Variants in HROB observed in about 807,000 individuals in gnomAD.
HROB encodes the protein homologous recombination OB-fold protein.
In HROB, 44 loss-of-function variants were observed where a neutral mutation model predicts 61.0. The observed-to-expected ratio is 0.72, with a 90% confidence interval of 0.57 to 0.93. The LOEUF is 0.93. HROB is among the 40% of genes least tolerant of loss of function. HROB has a pLI of 0.00. For missense variants in HROB, 716 were observed against 796.2 expected (o/e 0.90, Z 1.21); for synonymous variants, 301 against 310.4 (o/e 0.97, Z 0.32).
intron 2 of HROB, among the ~76,000 whole-genome samples, chr17:44,147,594 T>C (rs1247962463): frequency 6.6e-6 from 1 of 151,846 alleles, no homozygotes; most frequent in Non-Finnish European, 1.5e-5. Context: ...TGCACCCCCA[T>C]GCCCAGCTAA....
At chr17:44,150,218 G>T (rs766423826) in intron 3 of HROB, among the ~76,000 whole-genome samples, 1 of 152,076 alleles carries the variant, frequency 6.6e-6, no homozygotes, top group Non-Finnish European at 1.5e-5. Context: ...CCCATTTTAA[G>T]GGTGTTTGAA....
intron 1 of HROB, among the ~76,000 whole-genome samples, chr17:44,144,605 G>A (rs552538373): frequency 5.9e-5 from 9 of 151,494 alleles, no homozygotes; most frequent in African/African-American, 1.2e-4. Flanking sequence ...TCTAAGAGGC[G>A]GGTCTCACTA....
chr17:44,149,323 A>G (rs557575008), intron 3 of HROB, among the ~76,000 whole-genome samples: 12 of 151,228 alleles, frequency 7.9e-5, no homozygotes, highest in Middle Eastern at 3.4e-3. Context: ...ATCTCAGCTC[A>G]CTGAAACCTC....
intron 3 of HROB, 67 bp downstream of exon 3, chr17:44,149,094 C>A: frequency 7.0e-7 from 1 of 1,425,344 alleles, no homozygotes. Flanking sequence ...CACTGTCCAG[C>A]CCTAGCATAT....
rs114647370 is a variant in HROB at position 44,155,892 on chromosome 17, T to A, written c.1770+481T>A. 4.3e-3 allele frequency among the ~76,000 whole-genome samples: 654 copies of A among 152,284 alleles called. 6 individuals carry two copies. Among genetic ancestry groups the A allele is most frequent in the African/African-American group, 0.015 (632 of 41,554 alleles). The stretch of plus-strand genomic sequence containing the variant: ...AGAGCACTGGTGGGGACATCCTCTT[T>A]AGGAACCGAGACGAGCATTTGGCAT... On this transcript the variant is annotated intron_variant, in intron 8 of 9. Coordinates refer to ENST00000585683, the MANE Select transcript of HROB (RefSeq NM_001171251.3).
At chr17:44,142,466 CTTTT>C (rs1156855939) in intron 1 of HROB, among the ~76,000 whole-genome samples, 4 of 137,850 alleles carry the variant, frequency 2.9e-5, no homozygotes, top group South Asian at 2.3e-4. Flanking sequence ...ACACTTTCTA[CTTTT>C]TTTTTTTTTT....
In HROB at chr17:44,141,933, G is replaced by T; in HGVS notation, c.-210G>T. 1 of 579,640 alleles carries T rather than the reference G, an allele frequency of 1.7e-6. No individual in the cohort carries two copies. The highest frequency in any genetic ancestry group is 2.3e-5 in the South Asian group (1 of 44,238). The allele number at this position is 579,640 out of a possible 1,614,324, so 35.9% of individuals were successfully genotyped here. On this transcript the variant is annotated 5_prime_UTR_variant, in exon 1 of 10. Coordinates refer to ENST00000585683, the MANE Select transcript of HROB (RefSeq NM_001171251.3). ...TTTAAGAAGGCGGAGACGCCCCAGT[G>T]GCGGCGTCTTCGAATGCGGCCTAAG...
Position 44,152,664 on chromosome 17 carries a change from G to C in HROB, c.1336G>C (p.Glu446Gln). ...EIVASSQASV[E>Q]EDFGRGPWLT... is the part of the protein sequence containing the mutation. ...TGTTGCTAGTTCCCAGGCATCTGTG[G>C]AGGAGGATTTTGGGCGAGGGCCCTG... Residue 446 changes from glutamate (E) to glutamine (Q), a missense_variant, in exon 5 of 10, where the codon GAG becomes CAG. Transcript: ENST00000585683. 1.2e-6 allele frequency: 2 copies of C among 1,614,192 alleles called. No homozygotes were observed. The highest frequency in any genetic ancestry group is 1.3e-5 in the African/African-American group (1 of 75,048).
Position 44,157,161 on chromosome 17 carries a change from A to G in HROB, c.1771-672A>G, listed in dbSNP as rs918649361. Among the ~76,000 whole-genome samples the G allele has an allele frequency of 2.6e-5, 4 of 152,162 alleles. No homozygotes were observed. In the East Asian group the frequency reaches 5.8e-4, roughly 22 times the overall value. Reference sequence around the variant, plus strand: ...ATATATTCCTTTGGGGATTGTTAACAACTAATTTTAAATCTCAGGCTAACT... The same window carrying G: ...ATATATTCCTTTGGGGATTGTTAACGACTAATTTTAAATCTCAGGCTAACT... On this transcript the variant is annotated intron_variant, in intron 8 of 9. Coordinates refer to ENST00000585683, the MANE Select transcript of HROB (RefSeq NM_001171251.3).
In HROB at chr17:44,146,024, C is replaced by CT. The variant is rs528948956; in HGVS notation, c.54+772dup. On this transcript the variant is annotated intron_variant, in intron 2 of 9. Transcript: ENST00000585683. ...ATTCTTCCTGATGCTCTCCACCTCC[C>CT]TGCCCCCGGCAGCCCCCACTGTGTG... 9.9e-5 allele frequency among the ~76,000 whole-genome samples: 15 copies of CT among 152,274 alleles called. No individual in the cohort carries two copies. The South Asian group carries it at 3.1e-3, about 32-fold the overall frequency.
chr17:44,157,438 G>A (rs1259105102), intron 8 of HROB, among the ~76,000 whole-genome samples: 2 of 128,902 alleles, frequency 1.6e-5, no homozygotes, highest in Non-Finnish European at 3.1e-5. Context: ...TTTGGAGCAA[G>A]GGTCTCACTC....
chr17:44,150,837 A>T (rs2053780233), intron 3 of HROB, 124 bp from the exon 4 acceptor site: 2 of 761,016 alleles, frequency 2.6e-6, no homozygotes, highest in South Asian at 3.4e-5. Context: ...GTTAGGAGAG[A>T]TGTAATATGT....
intron 2 of HROB, among the ~76,000 whole-genome samples, chr17:44,146,225 T>G (rs1001614062): frequency 2.0e-5 from 3 of 152,158 alleles, no homozygotes; most frequent in African/African-American, 7.2e-5. Flanking sequence ...AATTTTTCGT[T>G]TTTTTGTAGA....
At chr17:44,143,851 T>A (rs1051840411) in intron 1 of HROB, among the ~76,000 whole-genome samples, 1 of 152,066 alleles carries the variant, frequency 6.6e-6, no homozygotes, top group Non-Finnish European at 1.5e-5. Context: ...TTTACGCCCA[T>A]GTGCACAGTC....
chr17:44,145,828 A>C lies in HROB; in HGVS notation c.54+575A>C, dbSNP rs148744375. Among the ~76,000 whole-genome samples the C allele has an allele frequency of 7.0e-4, 107 of 152,308 alleles. 1 individual carries two copies. The highest frequency in any genetic ancestry group is 6.5e-3 in the Admixed American group (100 of 15,304). On this transcript the variant is annotated intron_variant, in intron 2 of 9. Coordinates refer to ENST00000585683, the MANE Select transcript of HROB (RefSeq NM_001171251.3). ...TCTACCACACACCAATTAAATCAGA[A>C]TTTCTGGGAATGGCCCAGCCAGGGA...
intron 3 of HROB, among the ~76,000 whole-genome samples, chr17:44,150,257 C>G (rs1292521986): frequency 2.0e-5 from 3 of 152,142 alleles, no homozygotes; most frequent in Non-Finnish European, 4.4e-5. Context: ...TTGCTCTTCC[C>G]TAGCATGTTA....
rs2053703853 is a variant in HROB, at chr17:44,148,825, A to C, written c.1022A>C (p.Gln341Pro). ...SSGLFPRIPL[Q>P]PQAPVSSIGS... is the part of the protein sequence containing the mutation. ...GGATTATTTCCTCGGATACCCTTACAACCGCAAGCTCCAGTGTCTTCCATT... is the reference window on the plus strand; with the variant it reads ...GGATTATTTCCTCGGATACCCTTACCACCGCAAGCTCCAGTGTCTTCCATT... Residue 341 changes from glutamine (Q) to proline (P), a missense_variant, in exon 3 of 10, where the codon CAA becomes CCA. By Grantham distance (76) the Gln-to-Pro change is moderately conservative (BLOSUM62 -1). Transcript: ENST00000585683. The C allele has an allele frequency of 3.7e-6, 6 of 1,614,030 alleles. No individual in the cohort carries two copies. The highest frequency in any genetic ancestry group is 4.2e-6 in the Non-Finnish European group (5 of 1,180,040).
chr17:44,142,203 C>T (rs2143779108), intron 1 of HROB, 58 bp downstream of exon 1: 1 of 1,470,112 alleles, frequency 6.8e-7, no homozygotes, highest in Non-Finnish European at 9.0e-7. Flanking sequence ...GCCTCCGGAA[C>T]TGCTCATGGG....
rs1161651647 is a variant in HROB at position 44,148,374 on chromosome 17, C to T, written c.571C>T (p.Arg191Trp). 8.1e-6 allele frequency: 13 copies of T among 1,613,942 alleles called. No homozygotes were observed. The highest frequency in any genetic ancestry group is 2.2e-5 in the East Asian group (1 of 44,898). The change falls in exon 3 of 10, where the codon CGG becomes TGG. Residue 191 changes from arginine (R) to tryptophan (W), a missense_variant. Physicochemically the swap from Arg to Trp is moderately radical, Grantham distance 101 (BLOSUM62 -3). Coordinates refer to ENST00000585683, the MANE Select transcript of HROB (RefSeq NM_001171251.3). ...EAIPILPAQQ[R>W]EGSVLAKKAR... ...CATACCAATCCTGCCTGCCCAGCAG[C>T]GGGAGGGTTCAGTATTGGCTAAAAA... is the stretch of plus-strand genomic sequence containing the variant.
Sources: gnomAD v4.1 joint callset for allele counts (sites outside exome capture counted in the v4.1 genomes callset) on GRCh38, gnomAD v4.1.1 for gene constraint, MANE v1.5 for transcripts, NCBI Gene and HGNC (gene_info 2026-07-23, HGNC 2026-07-21) for gene names.